ITPK1: variants seen among roughly 807,000 people sequenced by gnomAD.
ITPK1 encodes inositol-tetrakisphosphate 1-kinase, also known as inositol 1,3,4-trisphosphate 5/6-kinase.
A neutral mutation model predicts 45.3 loss-of-function variants in ITPK1; 21 were observed. The ratio of observed to expected loss-of-function variants is 0.46; its 90% CI spans 0.33 to 0.67. ITPK1 has a LOEUF of 0.67. Among genes scored for constraint, ITPK1 ranks in the 30% least tolerant of loss-of-function variants. The probability of loss-of-function intolerance (pLI) is 0.02; values close to 1 mark genes in which losing one functional copy is unlikely to be tolerated. For missense variants in ITPK1, 474 were observed against 573.5 expected (o/e 0.83, Z 1.77); for synonymous variants, 258 against 253.6 (o/e 1.02, Z -0.16).
chr14:92,955,461 T>C (rs566926841), intron 8 of ITPK1, among the ~76,000 whole-genome samples: 11 of 152,046 alleles, frequency 7.2e-5, no homozygotes, highest in Non-Finnish European at 1.3e-4. Context: ...ACCCACTCTA[T>C]AGAAAGGGAG....
intron 3 of ITPK1, among the ~76,000 whole-genome samples, chr14:93,029,056 G>C (rs545129624): frequency 1.5e-4 from 23 of 152,318 alleles, no homozygotes; most frequent in African/African-American, 5.5e-4. Context: ...AGCCAACATG[G>C]ACTGAATTGA....
chr14:92,976,265 A>C (rs954113508), intron 5 of ITPK1, among the ~76,000 whole-genome samples: 2 of 152,160 alleles, frequency 1.3e-5, no homozygotes, highest in African/African-American at 4.8e-5. Flanking sequence ...GCTTCTTTCC[A>C]TTATGAAGTA....
intron 3 of ITPK1, among the ~76,000 whole-genome samples, chr14:93,056,271 C>T (rs75346940): frequency 0.022 from 3,366 of 152,220 alleles, 119 homozygotes; most frequent in African/African-American, 0.077. Flanking sequence ...ACAGGGAGGA[C>T]GGTGGCAAAC....
intron 3 of ITPK1, among the ~76,000 whole-genome samples, chr14:93,027,537 G>A (rs188443979): frequency 1.3e-5 from 2 of 152,266 alleles, no homozygotes; most frequent in Non-Finnish European, 2.9e-5. Context: ...GAAGGAGCTG[G>A]GAGGGGGCCA....
chr14:93,104,115 T>A (rs1218419159), intron 2 of ITPK1, among the ~76,000 whole-genome samples: 1 of 152,174 alleles, frequency 6.6e-6, no homozygotes, highest in African/African-American at 2.4e-5. Flanking sequence ...ACAAGTCTCA[T>A]GCTCCAACTT....
At chr14:93,010,988 T>C (rs1887870970) in intron 4 of ITPK1, among the ~76,000 whole-genome samples, 1 of 152,228 alleles carries the variant, frequency 6.6e-6, no homozygotes, top group African/African-American at 2.4e-5. Flanking sequence ...CGTGCACCAT[T>C]CACACCATGC....
In ITPK1 at chr14:92,941,127, A is replaced by C; in HGVS notation, c.*434T>G. On this transcript the variant is annotated 3_prime_UTR_variant, in exon 11 of 11. Coordinates refer to ENST00000267615, the MANE Select transcript of ITPK1 (RefSeq NM_014216.6). Reference sequence around the variant, plus strand: ...TGGGGAGTCAGGCAGAAGGGAAGCCACTCTCACATGCACCGATCAGCCTCC... The same window carrying C: ...TGGGGAGTCAGGCAGAAGGGAAGCCCCTCTCACATGCACCGATCAGCCTCC... 1 of 1,207,306 alleles carries C rather than the reference A, an allele frequency of 8.3e-7. No homozygotes were observed. The highest frequency in any genetic ancestry group is 1.6e-5 in the African/African-American group (1 of 63,382). The allele number at this position is 1,207,306 out of a possible 1,614,324, so 74.8% of individuals were successfully genotyped here.
chr14:93,008,523 A>G (rs2139839084), intron 4 of ITPK1, among the ~76,000 whole-genome samples: 1 of 152,370 alleles, frequency 6.6e-6, no homozygotes, highest in South Asian at 2.1e-4. Context: ...GCTGGCTGCC[A>G]GGAGGCGTGG....
rs148005616 is a variant in ITPK1 at position 92,979,165 on chromosome 14, G to A, written c.364+14715C>T. Among the ~76,000 whole-genome samples the A allele has an allele frequency of 2.0e-3, 311 of 152,330 alleles. 1 individual carries two copies. The highest frequency in any genetic ancestry group is 3.4e-3 in the Middle Eastern group (1 of 294). ...TTTAATGACTGCCCTGCTGGGTTTT[G>A]GACTTGCATGGGGACTGCAGTCCCT... On this transcript the variant is annotated intron_variant, in intron 5 of 10. Coordinates refer to ENST00000267615, the MANE Select transcript of ITPK1 (RefSeq NM_014216.6).
intron 3 of ITPK1, among the ~76,000 whole-genome samples, chr14:93,047,534 G>A (rs1301565859): frequency 7.9e-5 from 12 of 152,228 alleles, no homozygotes; most frequent in Admixed American, 7.9e-4. Context: ...ACGGCCAAGT[G>A]GGGATGGAGG....
intron 5 of ITPK1, among the ~76,000 whole-genome samples, chr14:92,978,783 C>T (rs1312953616): frequency 6.7e-6 from 1 of 149,528 alleles, no homozygotes; most frequent in Non-Finnish European, 1.5e-5. Context: ...TATGGAAACA[C>T]CTGGATGTCC....
At chr14:93,044,470 TCCCTCTG>T (rs1263377679) in intron 3 of ITPK1, among the ~76,000 whole-genome samples, 10 of 152,238 alleles carry the variant, frequency 6.6e-5, no homozygotes, top group African/African-American at 2.4e-4. Context: ...AACACTGGCA[TCCCTCTG>T]CTTGGCTGTG....
chr14:92,951,429 G>C (rs1243934737), intron 9 of ITPK1, among the ~76,000 whole-genome samples: 1 of 152,166 alleles, frequency 6.6e-6, no homozygotes, highest in East Asian at 1.9e-4. Flanking sequence ...ATTGCGACCC[G>C]CACTGCAGGG....
intron 2 of ITPK1, among the ~76,000 whole-genome samples, chr14:93,095,021 C>T (rs1391520110): frequency 1.3e-5 from 2 of 152,246 alleles, no homozygotes; most frequent in African/African-American, 4.8e-5. Context: ...AAGCTTTCTT[C>T]CATCTTCCCA....
intron 2 of ITPK1, among the ~76,000 whole-genome samples, chr14:93,085,027 C>G (rs936194045): frequency 2.6e-5 from 4 of 152,240 alleles, no homozygotes; most frequent in African/African-American, 9.6e-5. Flanking sequence ...CTGGCAGGCT[C>G]TCTGCAAACA....
chr14:92,968,288 G>A (rs914845652), intron 5 of ITPK1, among the ~76,000 whole-genome samples: 3 of 152,012 alleles, frequency 2.0e-5, no homozygotes, highest in East Asian at 3.9e-4. Flanking sequence ...CCAAGATCGC[G>A]TCACTGCACT....
chr14:92,962,887 G>A, intron 5 of ITPK1, 38 bp from the exon 6 acceptor site: 8 of 1,463,848 alleles, frequency 5.5e-6, no homozygotes, highest in Non-Finnish European at 7.6e-6. Context: ...ACAGCTCCTG[G>A]GCAGCCGCCC....
At chr14:93,092,990 C>G (rs1349802131) in intron 2 of ITPK1, among the ~76,000 whole-genome samples, 1 of 152,224 alleles carries the variant, frequency 6.6e-6, no homozygotes, top group Non-Finnish European at 1.5e-5. Context: ...CTAGAGGAAC[C>G]TCTGTCCCAG....
In ITPK1 at chr14:93,032,314, C is replaced by T. The variant is rs1040114570; in HGVS notation, c.121-15513G>A. Among the ~76,000 whole-genome samples, 4 of 151,932 alleles carry T rather than the reference C, an allele frequency of 2.6e-5. No homozygotes were observed. The highest frequency in any genetic ancestry group is 9.7e-5 in the African/African-American group (4 of 41,298). On this transcript the variant is annotated intron_variant, in intron 3 of 10. Transcript: ENST00000267615. The surrounding 1 kb of genome is among the most constrained non-coding windows in gnomAD (Gnocchi z 4.0). ...GCAGTGAGCCGAGATTACGCCACTG[C>T]ACTCCAGGCTGGGCGACAGAGCGAG...
Sources: allele counts gnomAD v4.1 joint callset (sites outside exome capture counted in the v4.1 genomes callset), GRCh38; gene constraint gnomAD v4.1.1; non-coding constraint Gnocchi (gnomAD v3.1); transcripts MANE v1.5; gene names NCBI Gene and HGNC (gene_info 2026-07-23, HGNC 2026-07-21).